Variants in KBTBD2 observed in about 807,000 individuals in gnomAD.
KBTBD2 encodes the protein kelch repeat and BTB domain-containing protein 2.
Under a neutral mutation model 57.1 loss-of-function variants are expected in KBTBD2, and 17 were observed. The observed-to-expected ratio is 0.30, with a 90% CI of 0.20 to 0.45. The LOEUF (loss-of-function observed/expected upper bound fraction) is 0.45, where lower values mean the gene tolerates loss of function less well. Ranked by LOEUF, KBTBD2 falls within the 20% of genes least tolerant of loss-of-function variation. The probability of loss-of-function intolerance (pLI) is 1.00; values close to 1 mark genes in which losing one functional copy is unlikely to be tolerated. For missense variants in KBTBD2, 515 were observed against 750.6 expected (o/e 0.69, Z 3.67); for synonymous variants, 267 against 262.7 (o/e 1.02, Z -0.16).
chr7:32,890,870 C>T (rs926833952), intron 1 of KBTBD2: 2 of 152,168 alleles, frequency 1.3e-5, no homozygotes, highest in African/African-American at 4.8e-5. Flanking sequence ...AAATAACCGC[C>T]CCACACCAAA....
At chr7:32,891,887 G>GCCGCCGCCGCCCCCGCCGCCCCCGCCC, upstream of KBTBD2, 1 of 29,388 alleles carries the variant, frequency 3.4e-5, no homozygotes, top group South Asian at 7.5e-4. Context: ...CGCCGCCCCC[G>GCCGCCGCCGCCCCCGCCGCCCCCGCCC]CCGCCCCCGC....
rs569087773 is a variant in KBTBD2, at chr7:32,868,887, G to A, written c.*458C>T. 1.3e-5 allele frequency: 2 copies of A among 156,626 alleles called. No individual in the cohort carries two copies. Among genetic ancestry groups the A allele is most frequent in the Admixed American group, 6.2e-5 (1 of 16,258 alleles). The allele number at this position is 156,626 out of a possible 1,614,324, so 9.7% of individuals were successfully genotyped here. On this transcript the variant is annotated 3_prime_UTR_variant, in exon 4 of 4. Coordinates refer to ENST00000304056, the MANE Select transcript of KBTBD2 (RefSeq NM_015483.3). ...GATTTAGACATTTCTATACCAACAC[G>A]GACATTAGTGTTAAGTGCAGTTGAA...
rs1784139762 is a variant in KBTBD2, at chr7:32,870,196, G to A, written c.1021C>T (p.Gln341Ter). ...CAATTCACAGTTCTGAAGGCAGTCT[G>A]AAGTTTGCTTGTTTTACTGTGATTT... ...KTNHSKTSKLQTAFRTVNCFY... is the reference protein window; with the variant it reads ...KTNHSKTSKL Residue 341 changes from glutamine (Q) to a stop codon, truncating the protein, a stop_gained, in exon 4 of 4, where the codon CAG becomes TAG. Coordinates refer to ENST00000304056, the MANE Select transcript of KBTBD2 (RefSeq NM_015483.3). LOFTEE classifies it high-confidence loss of function. 1 of 1,614,186 alleles carries A rather than the reference G, an allele frequency of 6.2e-7. No individual in the cohort carries two copies. The highest frequency in any genetic ancestry group is 1.1e-5 in the South Asian group (1 of 91,076).
chr7:32,884,976 G>GTGTATATATACATACACATATATGTGTA (rs1330517519), intron 1 of KBTBD2, among the ~76,000 whole-genome samples: 4 of 130,076 alleles, frequency 3.1e-5, no homozygotes, highest in African/African-American at 1.3e-4. Context: ...GTATGTGTGT[G>GTGTATATATACATACACATATATGTGTA]TATATATATA....
intron 1 of KBTBD2, among the ~76,000 whole-genome samples, chr7:32,883,150 C>G (rs1784484540): frequency 6.6e-6 from 1 of 152,024 alleles, no homozygotes; most frequent in African/African-American, 2.4e-5. Flanking sequence ...GAGGGCAGAT[C>G]ACTTGAGGCC....
intron 3 of KBTBD2, among the ~76,000 whole-genome samples, chr7:32,871,754 TCTGGTA>T (rs1784184275): frequency 6.6e-6 from 1 of 152,134 alleles, no homozygotes; most frequent in African/African-American, 2.4e-5. Flanking sequence ...CAGTACACCA[TCTGGTA>T]CTGAAACATA....
intron 1 of KBTBD2, among the ~76,000 whole-genome samples, chr7:32,889,303 A>AG (rs1235209654): frequency 6.6e-6 from 1 of 151,170 alleles, no homozygotes; most frequent in Non-Finnish European, 1.5e-5. Flanking sequence ...AAAAAAAAAA[A>AG]AAAAATTACT....
intron 1 of KBTBD2, among the ~76,000 whole-genome samples, chr7:32,886,813 A>G (rs773358244): frequency 6.6e-6 from 1 of 152,246 alleles, no homozygotes; most frequent in Non-Finnish European, 1.5e-5. Flanking sequence ...TCATAAAGAG[A>G]TAAGTGACCA....
intron 1 of KBTBD2, among the ~76,000 whole-genome samples, chr7:32,883,640 A>G (rs946365130): frequency 6.6e-6 from 1 of 152,234 alleles, no homozygotes. Flanking sequence ...TCAGCTTCAA[A>G]ACGTCACAGA....
intron 1 of KBTBD2, among the ~76,000 whole-genome samples, chr7:32,885,799 C>T (rs1228195862): frequency 6.6e-6 from 1 of 152,050 alleles, no homozygotes; most frequent in Admixed American, 6.6e-5. Flanking sequence ...TCTTTTAAGT[C>T]CTGCGCTCAA....
At chr7:32,872,328 TCA>T (rs1386876691) in intron 3 of KBTBD2, among the ~76,000 whole-genome samples, 11 of 152,170 alleles carry the variant, frequency 7.2e-5, no homozygotes, top group Admixed American at 6.5e-4. Flanking sequence ...TACCCCAGCC[TCA>T]GTTTCCCCAG....
Position 32,870,064 on chromosome 7 carries a change from T to G in KBTBD2, c.1153A>C (p.Ile385Leu). ...TCTCCACCTACGCTATCTCCTCCAA[T>G]TGCATAGATATAGCCTTCACAGCAA... is the stretch of plus-strand genomic sequence containing the variant. ...LVCCEGYIYA[I>L]GGDSVGGELN... Residue 385 changes from isoleucine (I) to leucine (L), a missense_variant, in exon 4 of 4, where the codon ATT becomes CTT. Coordinates refer to ENST00000304056, the MANE Select transcript of KBTBD2 (RefSeq NM_015483.3). 6.2e-7 allele frequency: 1 copy of G among 1,614,160 alleles called. No homozygotes were observed. The highest frequency in any genetic ancestry group is 8.5e-7 in the Non-Finnish European group (1 of 1,180,002).
chr7:32,870,540 G>C lies in KBTBD2; in HGVS notation c.677C>G (p.Ser226Ter). ...AAACCAAGCTCTCTGTGTTACTTCT[G>C]AAAGTGCATCAATTCTGATTTGGCT... Reference protein sequence around the residue: ...VLSQIRIDALSEVTQRAWFQG... With the variant: ...VLSQIRIDAL Residue 226 changes from serine to a stop codon, truncating the protein, a stop_gained, in exon 4 of 4, where the codon TCA becomes TGA. Coordinates refer to ENST00000304056, the MANE Select transcript of KBTBD2 (RefSeq NM_015483.3). LOFTEE classifies it high-confidence loss of function. The C allele has an allele frequency of 6.2e-7, 1 of 1,614,118 alleles. No homozygotes were observed. Among genetic ancestry groups the C allele is most frequent in the Non-Finnish European group, 8.5e-7 (1 of 1,180,016 alleles).
chr7:32,869,340 C>A lies in KBTBD2; in HGVS notation c.*5G>T. On this transcript the variant is annotated 3_prime_UTR_variant, in exon 4 of 4. Coordinates refer to ENST00000304056, the MANE Select transcript of KBTBD2 (RefSeq NM_015483.3). ...ACTCAGGCGTGCACTCCCTGAACTT[C>A]CCCACTATACAGGTGGTAGTGCAAC... The A allele has an allele frequency of 6.3e-7, 1 of 1,585,584 alleles. No individual in the cohort carries two copies. The highest frequency in any genetic ancestry group is 2.2e-5 in the East Asian group (1 of 44,634).
intron 1 of KBTBD2, among the ~76,000 whole-genome samples, chr7:32,885,494 T>G (rs1784556011): frequency 6.8e-6 from 1 of 147,630 alleles, no homozygotes; most frequent in African/African-American, 2.5e-5. Context: ...AAAAGACATC[T>G]CTCCCCAAGA....
At chr7:32,887,112 G>A (rs1784599212) in intron 1 of KBTBD2, among the ~76,000 whole-genome samples, 1 of 152,134 alleles carries the variant, frequency 6.6e-6, no homozygotes, top group South Asian at 2.1e-4. Flanking sequence ...TAACCAGGCA[G>A]AATATAGAGA....
intron 1 of KBTBD2, among the ~76,000 whole-genome samples, chr7:32,889,984 G>A (rs1784688945): frequency 6.6e-6 from 1 of 152,202 alleles, no homozygotes; most frequent in Non-Finnish European, 1.5e-5. Flanking sequence ...CATATGTACT[G>A]ATACCTCTAT....
intron 1 of KBTBD2, among the ~76,000 whole-genome samples, chr7:32,884,730 C>T (rs906651787): frequency 5.3e-5 from 8 of 151,374 alleles, no homozygotes; most frequent in African/African-American, 1.9e-4. Flanking sequence ...AATAAAACTT[C>T]AAAAGGTACA....
Position 32,870,274 on chromosome 7 carries a change from C to G in KBTBD2, c.943G>C (p.Asp315His), listed in dbSNP as rs773383295. Residue 315 changes from aspartate to histidine, a missense_variant, in exon 4 of 4, where the codon GAT becomes CAT. Physicochemically the swap from Asp to His is moderately conservative, Grantham distance 81. Coordinates refer to ENST00000304056, the MANE Select transcript of KBTBD2 (RefSeq NM_015483.3). Reference protein sequence around the residue: ...LHKVGTVVTPDNDIYIAGGQV... With the variant: ...LHKVGTVVTPHNDIYIAGGQV... ...CCCCCTGCTATGTAGATATCATTAT[C>G]AGGAGTTACAACGGTCCCAACCTTA... is the stretch of plus-strand genomic sequence containing the variant. 2 of 1,614,136 alleles carry G rather than the reference C, an allele frequency of 1.2e-6. No individual in the cohort carries two copies. The highest frequency in any genetic ancestry group is 1.1e-5 in the South Asian group (1 of 91,084).
Sources: gnomAD v4.1 joint callset for allele counts (sites outside exome capture counted in the v4.1 genomes callset) on GRCh38, gnomAD v4.1.1 for gene constraint, MANE v1.5 for transcripts, NCBI Gene and HGNC (gene_info 2026-07-23, HGNC 2026-07-21) for gene names.